SUGCT: variants seen among roughly 807,000 people sequenced by gnomAD.
SUGCT encodes succinyl-CoA:glutarate-CoA transferase, also known as succinyl-CoA:glutarate CoA-transferase.
In SUGCT, 41 loss-of-function variants were observed where a neutral mutation model predicts 55.0. The ratio of observed to expected loss-of-function variants is 0.74; its 90% CI spans 0.58 to 0.97. The LOEUF (loss-of-function observed/expected upper bound fraction) is 0.97. Among genes scored for constraint, SUGCT ranks in the 50% least tolerant of loss-of-function variants. The pLI is 0.00. For missense variants in SUGCT, 568 were observed against 547.8 expected (o/e 1.04, Z -0.37); for synonymous variants, 187 against 200.4 (o/e 0.93, Z 0.56).
chr7:40,459,887 A>T (rs1789699181), intron 11 of SUGCT, among the ~76,000 whole-genome samples: 2 of 152,046 alleles, frequency 1.3e-5, no homozygotes, highest in Non-Finnish European at 2.9e-5. Context: ...TTACTGTTTC[A>T]TGTCAGTTTC....
intron 12 of SUGCT, among the ~76,000 whole-genome samples, chr7:40,530,068 C>T (rs1794003119): frequency 6.6e-6 from 1 of 152,152 alleles, no homozygotes; most frequent in Non-Finnish European, 1.5e-5. Context: ...TTTTGCTGCT[C>T]ATGTAGTCAT....
chr7:40,419,066 G>T (rs559975197), intron 9 of SUGCT, among the ~76,000 whole-genome samples: 1 of 152,306 alleles, frequency 6.6e-6, no homozygotes, highest in East Asian at 1.9e-4. Context: ...TATAAAGTAT[G>T]TTAAATGAGT....
At chr7:40,984,724 A>T in the SUGCT span, among the ~76,000 whole-genome samples, 1 of 152,186 alleles carries the variant, frequency 6.6e-6, no homozygotes, top group South Asian at 2.1e-4. Context: ...TACAGAACAG[A>T]TTTGGACAAT....
chr7:40,216,346 C>G (rs1322012198), intron 6 of SUGCT, among the ~76,000 whole-genome samples: 2 of 150,042 alleles, frequency 1.3e-5, no homozygotes, highest in Non-Finnish European at 3.0e-5. Context: ...TACAAAAATA[C>G]AAAAATTAGC....
At chr7:40,371,476 G>C (rs1337995291) in intron 9 of SUGCT, among the ~76,000 whole-genome samples, 4 of 152,208 alleles carry the variant, frequency 2.6e-5, no homozygotes, top group African/African-American at 9.6e-5. Context: ...GTCCGGTTAA[G>C]GCAACACATG....
At chr7:40,662,415 C>A (rs1273245698) in intron 12 of SUGCT, among the ~76,000 whole-genome samples, 1 of 152,184 alleles carries the variant, frequency 6.6e-6, no homozygotes, top group East Asian at 1.9e-4. Context: ...TGCTTAGAAT[C>A]ATCCAATCGC....
chr7:40,272,141 CATATATATATATATATATATAT>C (rs58480323), intron 7 of SUGCT, among the ~76,000 whole-genome samples: 2,582 of 46,516 alleles, frequency 0.056, 178 homozygotes, highest in African/African-American at 0.13. Context: ...TGCAATGTGA[CATATATATATATATATATATAT>C]ATATATATAT....
intron 9 of SUGCT, among the ~76,000 whole-genome samples, chr7:40,441,077 A>G (rs180764563): frequency 6.6e-6 from 1 of 152,190 alleles, no homozygotes; most frequent in Admixed American, 6.5e-5. Flanking sequence ...TGTATGTCTC[A>G]TTTGTCTTGT....
At chr7:40,991,295 T>G in the SUGCT span, among the ~76,000 whole-genome samples, 1 of 152,192 alleles carries the variant, frequency 6.6e-6, no homozygotes, top group Non-Finnish European at 1.5e-5. Flanking sequence ...CAACATTTAT[T>G]AATCAGATTT....
At chr7:40,694,185 A>G (rs978145119) in intron 12 of SUGCT, among the ~76,000 whole-genome samples, 1 of 150,642 alleles carries the variant, frequency 6.6e-6, no homozygotes, top group Non-Finnish European at 1.5e-5. Flanking sequence ...CAAAGGCCCC[A>G]AGTGTGAATG....
At chr7:40,515,555 CAG>C (rs1194990465) in intron 12 of SUGCT, among the ~76,000 whole-genome samples, 3 of 152,158 alleles carry the variant, frequency 2.0e-5, no homozygotes, top group African/African-American at 7.2e-5. Flanking sequence ...TTTATGTAAA[CAG>C]AATTATTGAA....
chr7:40,278,633 C>T (rs997949905), intron 8 of SUGCT, among the ~76,000 whole-genome samples: 15 of 152,146 alleles, frequency 9.9e-5, no homozygotes, highest in Admixed American at 2.0e-4. Context: ...TTCCTTGTCT[C>T]TGTCCTCCCT....
At chr7:40,236,091 T>C (rs555216903) in intron 6 of SUGCT, among the ~76,000 whole-genome samples, 3 of 152,246 alleles carry the variant, frequency 2.0e-5, no homozygotes, top group Admixed American at 2.0e-4. Flanking sequence ...AGAGTCTTTC[T>C]CTGTTGCCCA....
At chr7:40,890,184 A>G in the SUGCT span, among the ~76,000 whole-genome samples, 1 of 146,138 alleles carries the variant, frequency 6.8e-6, no homozygotes, top group South Asian at 2.1e-4. Context: ...TTGAATTTAT[A>G]TTATTTATTA....
the SUGCT span, among the ~76,000 whole-genome samples, chr7:40,957,749 T>A: frequency 6.6e-6 from 1 of 152,162 alleles, no homozygotes; most frequent in Non-Finnish European, 1.5e-5. Flanking sequence ...TGCAGTTTCT[T>A]CATAGTTTCG....
chr7:40,601,425 G>A (rs1798281899), intron 12 of SUGCT, among the ~76,000 whole-genome samples: 1 of 152,128 alleles, frequency 6.6e-6, no homozygotes, highest in Non-Finnish European at 1.5e-5. Flanking sequence ...CTCATGTAAT[G>A]GATTTCTGAG....
intron 13 of SUGCT, among the ~76,000 whole-genome samples, chr7:40,858,987 C>A (rs1794342287): frequency 6.6e-6 from 1 of 152,184 alleles, no homozygotes; most frequent in African/African-American, 2.4e-5. Context: ...GAGCTCAAAG[C>A]TCGTTTGCTG....
chr7:40,604,093 C>T (rs1199132789), intron 12 of SUGCT, among the ~76,000 whole-genome samples: 1 of 152,038 alleles, frequency 6.6e-6, no homozygotes. Flanking sequence ...GGAGGTTCCT[C>T]AATGTGGGGG....
intron 9 of SUGCT, among the ~76,000 whole-genome samples, chr7:40,415,086 A>G (rs1298895429): frequency 2.1e-5 from 3 of 144,380 alleles, no homozygotes; most frequent in Non-Finnish European, 4.5e-5. Flanking sequence ...CTATCTATCT[A>G]TCTATCTATC....
Sources: gnomAD v4.1 joint callset for allele counts (sites outside exome capture counted in the v4.1 genomes callset) on GRCh38, gnomAD v4.1.1 for gene constraint, MANE v1.5 for transcripts, NCBI Gene and HGNC (gene_info 2026-07-23, HGNC 2026-07-21) for gene names.